Variants in CHRM3 observed in about 807,000 individuals in gnomAD.
CHRM3 encodes the protein muscarinic acetylcholine receptor M3.
CHRM3 carries 11 observed loss-of-function variants against 41.8 expected under a neutral mutation model. That is an observed-to-expected ratio of 0.26 (90% CI 0.17 to 0.44). The LOEUF (loss-of-function observed/expected upper bound fraction) is 0.44. Among genes scored for constraint, CHRM3 ranks in the 20% least tolerant of loss-of-function variants. CHRM3 has a pLI of 1.00. For synonymous variants in CHRM3, 297 were observed against 301.4 expected, an observed-to-expected ratio of 0.99 and a Z score of 0.15; for missense variants, 571 against 745.4, an observed-to-expected ratio of 0.77 and a Z score of 2.72.
At position 239,543,525 on chromosome 1, in the gene CHRM3, T is replaced by G. The variant is rs190653494; in HGVS notation, c.-421-2116T>G. On this transcript the variant is annotated intron_variant, in intron 2 of 6. Coordinates refer to ENST00000676153, the MANE Select transcript of CHRM3 (RefSeq NM_001375978.1). ...ACCGATTTATTTTATTTTTTTTTTT[T>G]GTGATGGAGTCTCACTCAGTCACCC... Among the ~76,000 whole-genome samples the G allele has an allele frequency of 7.0e-3, 1,060 of 151,604 alleles. 11 individuals are homozygous for G. The highest frequency in any genetic ancestry group is 0.025 in the African/African-American group (1,023 of 41,402).
intron 3 of CHRM3, among the ~76,000 whole-genome samples, chr1:239,552,163 TATG>T (rs978281981): frequency 1.6e-4 from 24 of 148,696 alleles, no homozygotes; most frequent in Admixed American, 1.5e-3. Flanking sequence ...TTTATTATAT[TATG>T]ATATATGTCA....
intron 5 of CHRM3, among the ~76,000 whole-genome samples, chr1:239,791,396 T>C (rs1216232199): frequency 3.3e-5 from 5 of 152,184 alleles, no homozygotes; most frequent in Non-Finnish European, 5.9e-5. Context: ...TGAACCACCA[T>C]GCCCAGCCAG....
intron 5 of CHRM3, among the ~76,000 whole-genome samples, chr1:239,755,760 T>C (rs1446304201): frequency 6.6e-6 from 1 of 152,152 alleles, no homozygotes; most frequent in Non-Finnish European, 1.5e-5. Flanking sequence ...ACCATAACCA[T>C]ACTGGAGCAA....
At chr1:239,443,769 A>G (rs544915693) in intron 1 of CHRM3, among the ~76,000 whole-genome samples, 4 of 152,356 alleles carry the variant, frequency 2.6e-5, no homozygotes, top group African/African-American at 9.6e-5. Context: ...TCATTTTAGC[A>G]TTAGTCAGTA....
intron 3 of CHRM3, among the ~76,000 whole-genome samples, chr1:239,613,436 A>G (rs565181284): frequency 6.6e-6 from 1 of 152,354 alleles, no homozygotes; most frequent in South Asian, 2.1e-4. Context: ...TAGGGTTTGT[A>G]GTTATAGAAA....
intron 3 of CHRM3, among the ~76,000 whole-genome samples, chr1:239,627,606 T>A (rs1669129068): frequency 7.1e-6 from 1 of 141,804 alleles, no homozygotes; most frequent in Non-Finnish European, 1.5e-5. Context: ...CTCGATGGTC[T>A]TTACATTTTG....
At chr1:239,720,502 G>C (rs10925956) in intron 5 of CHRM3, among the ~76,000 whole-genome samples, 76,886 of 151,598 alleles carry the variant, frequency 0.51, 19,724 homozygotes, top group Admixed American at 0.56. Flanking sequence ...GCCACTCAAC[G>C]CCAGACTTTT....
rs186009683 is a variant in CHRM3 at position 239,436,351 on chromosome 1, C to T, written c.-521+49124C>T. Among the ~76,000 whole-genome samples, 171 of 152,238 alleles carry T rather than the reference C, an allele frequency of 1.1e-3. 2 individuals are homozygous for T. The highest frequency in any genetic ancestry group is 1.2e-3 in the Non-Finnish European group (79 of 68,028). ...CTGGGATCCCGTTGGTCCTGAGTGT[C>T]GCAGAGCAGAGGCTGCAGGGCTGAT... On this transcript the variant is annotated intron_variant, in intron 1 of 6. Coordinates refer to ENST00000676153, the MANE Select transcript of CHRM3 (RefSeq NM_001375978.1).
At chr1:239,793,342 T>G (rs1261747379) in intron 5 of CHRM3, among the ~76,000 whole-genome samples, 1 of 152,186 alleles carries the variant, frequency 6.6e-6, no homozygotes, top group Non-Finnish European at 1.5e-5. Flanking sequence ...ATTCCTGGGT[T>G]AAGTTGTCAG....
intron 5 of CHRM3, among the ~76,000 whole-genome samples, chr1:239,801,703 G>C (rs1184145490): frequency 6.6e-6 from 1 of 152,128 alleles, no homozygotes; most frequent in African/African-American, 2.4e-5. Flanking sequence ...TAGGTGAATA[G>C]TTAATGTGTT....
intron 5 of CHRM3, among the ~76,000 whole-genome samples, chr1:239,771,518 C>T (rs1343562340): frequency 1.3e-5 from 2 of 152,208 alleles, no homozygotes; most frequent in Non-Finnish European, 2.9e-5. Flanking sequence ...TCAGGTTATT[C>T]GTTGCAGCCT....
At chr1:239,510,016 G>A (rs1263495421) in intron 2 of CHRM3, among the ~76,000 whole-genome samples, 1 of 152,136 alleles carries the variant, frequency 6.6e-6, no homozygotes, top group African/African-American at 2.4e-5. Flanking sequence ...TTGAACCTGG[G>A]GGACGGAGGT....
chr1:239,512,967 A>C (rs558726176), intron 2 of CHRM3, among the ~76,000 whole-genome samples: 1 of 152,172 alleles, frequency 6.6e-6, no homozygotes, highest in Non-Finnish European at 1.5e-5. Context: ...CAAGCCAGGC[A>C]TGCATTTGAG....
At chr1:239,611,671 G>A (rs909958312) in intron 3 of CHRM3, among the ~76,000 whole-genome samples, 2 of 151,964 alleles carry the variant, frequency 1.3e-5, no homozygotes, top group Non-Finnish European at 2.9e-5. Flanking sequence ...CGCCCGCCTT[G>A]GCCTCCCAAA....
intron 5 of CHRM3, among the ~76,000 whole-genome samples, chr1:239,799,513 A>G (rs1009949087): frequency 6.6e-6 from 1 of 152,104 alleles, no homozygotes; most frequent in African/African-American, 2.4e-5. Flanking sequence ...CTCCCAGGGA[A>G]CCTACTGGTT....
At chr1:239,715,661 G>A (rs1421093048) in intron 5 of CHRM3, among the ~76,000 whole-genome samples, 1 of 152,074 alleles carries the variant, frequency 6.6e-6, no homozygotes, top group East Asian at 1.9e-4. Flanking sequence ...AGGAAGGTAG[G>A]ATCCAGAGTA....
intron 6 of CHRM3, among the ~76,000 whole-genome samples, chr1:239,877,566 T>A (rs1256869163): frequency 6.6e-6 from 1 of 152,188 alleles, no homozygotes; most frequent in African/African-American, 2.4e-5. Flanking sequence ...ATTTATAACT[T>A]TCAAAACTGC....
intron 6 of CHRM3, among the ~76,000 whole-genome samples, chr1:239,896,172 T>C (rs910467411): frequency 6.6e-6 from 1 of 152,204 alleles, no homozygotes; most frequent in Admixed American, 6.5e-5. Flanking sequence ...CAGGAATATG[T>C]GCAGAGTGCA....
chr1:239,727,473 T>C (rs1663548637), intron 5 of CHRM3, among the ~76,000 whole-genome samples: 1 of 151,998 alleles, frequency 6.6e-6, no homozygotes, highest in South Asian at 2.1e-4. Context: ...TCCTTCATGC[T>C]TATTATGAAT....
Sources: gnomAD v4.1 joint callset for allele counts (sites outside exome capture counted in the v4.1 genomes callset) on GRCh38, gnomAD v4.1.1 for gene constraint, MANE v1.5 for transcripts, NCBI Gene and HGNC (gene_info 2026-07-23, HGNC 2026-07-21) for gene names.